MCTP2: variants seen among roughly 807,000 people sequenced by gnomAD.
MCTP2 encodes multiple C2 and transmembrane domain-containing protein 2.
MCTP2 carries 132 observed loss-of-function variants against 111.6 expected under a neutral mutation model. That is an observed-to-expected ratio of 1.18 (90% CI 1.03 to 1.37). MCTP2 has a LOEUF of 1.37. Ranked by LOEUF, MCTP2 falls within the 40% of genes most tolerant of loss-of-function variation. MCTP2 has a pLI of 0.00. For synonymous variants in MCTP2, 395 were observed against 387.7 expected, an observed-to-expected ratio of 1.02 and a Z score of -0.22; for missense variants, 1,183 against 1,067.9, an observed-to-expected ratio of 1.11 and a Z score of -1.50.
chr15:94,406,485 G>A (rs2081902246), intron 17 of MCTP2, among the ~76,000 whole-genome samples: 1 of 152,212 alleles, frequency 6.6e-6, no homozygotes, highest in Non-Finnish European at 1.5e-5. Context: ...TAGATATTAT[G>A]TGTGGGGATT....
intron 1 of MCTP2, among the ~76,000 whole-genome samples, chr15:94,233,636 G>C (rs1020839322): frequency 2.6e-5 from 4 of 152,212 alleles, no homozygotes; most frequent in Middle Eastern, 3.4e-3. Flanking sequence ...ATTTCCAGAA[G>C]TACTACTTCT....
intron 4 of MCTP2, among the ~76,000 whole-genome samples, chr15:94,320,611 T>G (rs1234894283): frequency 2.6e-5 from 4 of 152,256 alleles, no homozygotes; most frequent in East Asian, 3.9e-4. Flanking sequence ...TGAACAGTAT[T>G]TAGTCACTTA....
Position 94,401,920 on chromosome 15 carries a change from C to T in MCTP2, c.1986C>T (p.Asp662=). 1 of 1,611,590 alleles carries T rather than the reference C, an allele frequency of 6.2e-7. No homozygotes were observed. Among genetic ancestry groups the T allele is most frequent in the Non-Finnish European group, 8.5e-7 (1 of 1,178,454 alleles). ...LSKKILSRDV[D]RVKRITMAIW... is the part of the protein sequence containing the mutation. ...ATCAGATCTTATCAAGAGATGTGGA[C>T]CGTGTGAAAAGAATCACTATGGCAA... is the stretch of plus-strand genomic sequence containing the variant. The change falls in exon 17 of 23, where the codon GAC becomes GAT. Residue 662 remains aspartate (D), a synonymous_variant. Transcript: ENST00000357742.
rs184683139 is a variant in MCTP2 at position 94,237,966 on chromosome 15, C to T, written c.-66+6302C>T. Reference sequence around the variant, plus strand: ...TTTATCTATAGCCTGGAAGCCACCCCCCGCCCCGCGCACTTTGAGTTGTCA... The same window carrying T: ...TTTATCTATAGCCTGGAAGCCACCCTCCGCCCCGCGCACTTTGAGTTGTCA... On this transcript the variant is annotated intron_variant, in intron 1 of 22. Transcript: ENST00000357742. Among the ~76,000 whole-genome samples, 8 of 152,198 alleles carry T rather than the reference C, an allele frequency of 5.3e-5. No homozygotes were observed. In the East Asian group the frequency reaches 1.5e-3, roughly 29 times the overall value.
intron 1 of MCTP2, among the ~76,000 whole-genome samples, chr15:94,268,329 T>C (rs1296831030): frequency 1.5e-4 from 22 of 146,564 alleles, no homozygotes; most frequent in African/African-American, 5.6e-4. Context: ...TACAGGCGCC[T>C]ACCACCATAC....
At position 94,470,490 on chromosome 15, in the gene MCTP2, C is replaced by G. The variant is rs2073831688; in HGVS notation, c.2470+48C>G. ...GCTAGCAATCAATTCCAGGTAAGAA[C>G]CAATTACTCATTTTTAAAGTGCGAC... is the stretch of plus-strand genomic sequence containing the variant. On this transcript the variant is annotated intron_variant, in intron 21 of 22. Coordinates refer to ENST00000357742, the MANE Select transcript of MCTP2 (RefSeq NM_001385001.1). 3 of 1,212,908 alleles carry G rather than the reference C, an allele frequency of 2.5e-6. No homozygotes were observed. In the Admixed American group the frequency reaches 5.1e-5, roughly 20 times the overall value. 75.1% of individuals were successfully genotyped at this position (1,212,908 alleles called of 1,614,324 possible).
At chr15:94,414,055 G>A (rs1184196988) in intron 17 of MCTP2, among the ~76,000 whole-genome samples, 1 of 152,044 alleles carries the variant, frequency 6.6e-6, no homozygotes, top group Non-Finnish European at 1.5e-5. Context: ...TTTCAAGGTG[G>A]AGCTGCCTTG....
intron 14 of MCTP2, among the ~76,000 whole-genome samples, chr15:94,385,795 T>C (rs1049665943): frequency 4.6e-5 from 7 of 152,228 alleles, no homozygotes; most frequent in African/African-American, 1.7e-4. Flanking sequence ...TCTTCCCAAC[T>C]TAAGATAGGA....
At chr15:94,255,485 A>ACTAT (rs10624208) in intron 1 of MCTP2, among the ~76,000 whole-genome samples, 76,601 of 151,668 alleles carry the variant, frequency 0.51, 19,527 homozygotes, top group Middle Eastern at 0.61. Context: ...AGCACTTATG[A>ACTAT]CTGACATAAG....
chr15:94,430,896 C>T (rs2083151113), intron 17 of MCTP2, among the ~76,000 whole-genome samples: 1 of 152,208 alleles, frequency 6.6e-6, no homozygotes, highest in South Asian at 2.1e-4. Flanking sequence ...TCACTTACTG[C>T]CCTCTCAGTG....
chr15:94,280,919 C>T (rs531690554), intron 1 of MCTP2, among the ~76,000 whole-genome samples: 7 of 151,578 alleles, frequency 4.6e-5, no homozygotes, highest in African/African-American at 9.7e-5. Context: ...TTTTTGTTTT[C>T]GTTTTTGTTT....
chr15:94,340,666 T>C lies in MCTP2; in HGVS notation c.858-147T>C. On this transcript the variant is annotated intron_variant, in intron 6 of 22. Transcript: ENST00000357742. Reference sequence around the variant, plus strand: ...TTTCTCTACTCTGAATATAACTGTTTTATTTTCACTAAATTTTGTGCTTTC... The same window carrying C: ...TTTCTCTACTCTGAATATAACTGTTCTATTTTCACTAAATTTTGTGCTTTC... The C allele has an allele frequency of 7.1e-6, 4 of 561,706 alleles. No individual in the cohort carries two copies. The South Asian group carries it at 1.1e-4, about 16-fold the overall frequency. The allele number at this position is 561,706 out of a possible 1,614,324, so 34.8% of individuals were successfully genotyped here.
intron 17 of MCTP2, among the ~76,000 whole-genome samples, chr15:94,438,313 G>A (rs2083589651): frequency 1.3e-5 from 2 of 151,976 alleles, no homozygotes; most frequent in Admixed American, 1.3e-4. Flanking sequence ...TTTTTATTTT[G>A]TTATTACTAA....
intron 1 of MCTP2, among the ~76,000 whole-genome samples, chr15:94,248,775 A>G (rs925581715): frequency 6.6e-6 from 1 of 152,176 alleles, no homozygotes; most frequent in African/African-American, 2.4e-5. Flanking sequence ...AGGCTTTGCA[A>G]AGGTGCAAGT....
chr15:94,351,142 TA>T (rs1386800051), intron 8 of MCTP2, among the ~76,000 whole-genome samples: 1 of 152,212 alleles, frequency 6.6e-6, no homozygotes, highest in Non-Finnish European at 1.5e-5. Flanking sequence ...TCTACAAGTA[TA>T]AATTGCAACT....
At position 94,326,825 on chromosome 15, in the gene MCTP2, C is replaced by A. The variant is rs1396484253; in HGVS notation, c.637+11188C>A. ...TCAGGTGATCCCCGCCCCACCCCCC[C>A]CCAACCTCGGCCTCCCAAAGTGCTG... On this transcript the variant is annotated intron_variant, in intron 4 of 22. Transcript: ENST00000357742. Among the ~76,000 whole-genome samples, 8 of 104,388 alleles carry A rather than the reference C, an allele frequency of 7.7e-5. 1 individual carries two copies. Among genetic ancestry groups the A allele is most frequent in the East Asian group, 6.5e-4 (2 of 3,092 alleles). The allele number at this position is 104,388 out of a possible 152,430, so 68.5% of individuals were successfully genotyped here. A position where few individuals can be genotyped will look rare whatever the true frequency, so the allele number is the denominator to read the frequency against.
rs2081517795 is a variant in MCTP2 at position 94,400,463 on chromosome 15, G to A, written c.1965+468G>A. 2.0e-5 allele frequency among the ~76,000 whole-genome samples: 3 copies of A among 152,152 alleles called. No individual in the cohort carries two copies. In the South Asian group the frequency reaches 6.2e-4, roughly 32 times the overall value. On this transcript the variant is annotated intron_variant, in intron 16 of 22. Transcript: ENST00000357742. ...GCTCATGACTGCTCCTACCACTTCGGCGTGGTCTAAATTTGGGATGTGTTG... is the reference window on the plus strand; with the variant it reads ...GCTCATGACTGCTCCTACCACTTCGACGTGGTCTAAATTTGGGATGTGTTG...
At chr15:94,423,033 G>A (rs889147396) in intron 17 of MCTP2, among the ~76,000 whole-genome samples, 2 of 152,080 alleles carry the variant, frequency 1.3e-5, no homozygotes, top group Non-Finnish European at 2.9e-5. Context: ...TCATTGTTTA[G>A]CATTGAGCCT....
chr15:94,348,227 T>C (rs1379181865), intron 8 of MCTP2, among the ~76,000 whole-genome samples: 1 of 151,664 alleles, frequency 6.6e-6, no homozygotes, highest in East Asian at 1.9e-4. Flanking sequence ...TTGCAAAGGC[T>C]GACCTCTGCA....
Sources: allele counts gnomAD v4.1 joint callset (sites outside exome capture counted in the v4.1 genomes callset), GRCh38; gene constraint gnomAD v4.1.1; transcripts MANE v1.5; gene names NCBI Gene and HGNC (gene_info 2026-07-23, HGNC 2026-07-21).